The following OR3A2 variants were observed in gnomAD, a reference collection of about 807,000 sequenced individuals.
OR3A2 encodes the protein olfactory receptor family 3 subfamily A member 2.
For synonymous variants in OR3A2, 126 were observed against 159.3 expected, an observed-to-expected ratio of 0.79 and a Z score of 1.57; for missense variants, 318 against 392.8, an observed-to-expected ratio of 0.81 and a Z score of 1.61.
chr17:3,336,263 AT>A (rs910844519), intron 2 of OR3A2, 137 bp from the exon 2 acceptor site: 1 of 152,290 alleles, frequency 6.6e-6, no homozygotes, highest in Non-Finnish European at 1.5e-5. Flanking sequence ...ATGATAATTC[AT>A]TTTTTCCCTA....
intron 3 of OR3A2, among the ~76,000 whole-genome samples, chr17:3,329,111 G>T (rs1031483147): frequency 1.3e-5 from 2 of 151,730 alleles, no homozygotes; most frequent in Non-Finnish European, 2.9e-5. Context: ...GATTCAGTTT[G>T]CCAGTATTTT....
At chr17:3,345,711 A>C (rs762429934) in intron 2 of OR3A2, among the ~76,000 whole-genome samples, 16 of 152,176 alleles carry the variant, frequency 1.1e-4, no homozygotes, top group Non-Finnish European at 8.8e-5. Context: ...ATGAATTTTT[A>C]AAAAGGCCCC....
intron 3 of OR3A2, among the ~76,000 whole-genome samples, chr17:3,324,972 AGTCAAGCATATGCACATTTTACT>A (rs1210501411): frequency 2.0e-5 from 3 of 152,100 alleles, no homozygotes; most frequent in Non-Finnish European, 4.4e-5. Flanking sequence ...ACTTTTACAC[AGTCAAGCATATGCACATTTTACT>A]TTATGACTTC....
chr17:3,344,180 T>C (rs1468257825), intron 2 of OR3A2, among the ~76,000 whole-genome samples: 2 of 152,222 alleles, frequency 1.3e-5, no homozygotes, highest in African/African-American at 2.4e-5. Flanking sequence ...AAAGATGATG[T>C]CTGTGTATTG....
At position 3,312,656 on chromosome 17, in the gene OR3A2, G is replaced by A. The variant is rs138805014; in HGVS notation, c.-85+23377C>T. Among the ~76,000 whole-genome samples the A allele has an allele frequency of 3.8e-3, 581 of 152,214 alleles. 5 individuals are homozygous for A. The highest frequency in any genetic ancestry group is 0.013 in the African/African-American group (549 of 41,518). On this transcript the variant is annotated intron_variant, in intron 3 of 4. Transcript: ENST00000573491. ...TTATTTATTTATGAGATGGAGTTTCGCTCGGTCGCCCAGGCTGGAGTGCAG... is the reference window on the plus strand; with the variant it reads ...TTATTTATTTATGAGATGGAGTTTCACTCGGTCGCCCAGGCTGGAGTGCAG...
chr17:3,292,860 G>A (rs537907899), intron 3 of OR3A2, among the ~76,000 whole-genome samples: 1 of 152,160 alleles, frequency 6.6e-6, no homozygotes, highest in African/African-American at 2.4e-5. Flanking sequence ...GAACCTATTT[G>A]TAAAGATTAT....
At chr17:3,365,731 CACACA>C (rs1215133893) in intron 2 of OR3A2, among the ~76,000 whole-genome samples, 3 of 152,204 alleles carry the variant, frequency 2.0e-5, no homozygotes, top group Non-Finnish European at 4.4e-5. Context: ...CCAAAAGTAA[CACACA>C]ACACTTGTAT....
exon 2 of OR3A2, chr17:3,278,134 A>G (rs756971115): frequency 1.2e-6 from 2 of 1,614,134 alleles, no homozygotes; most frequent in Admixed American, 3.3e-5. Flanking sequence ...AGTCTCATGT[A>G]GTTGAAGATA....
chr17:3,301,465 T>C (rs1217484860), intron 3 of OR3A2, among the ~76,000 whole-genome samples: 30 of 150,312 alleles, frequency 2.0e-4, no homozygotes, highest in South Asian at 8.4e-4. Flanking sequence ...TTTTTTCATG[T>C]GTCTGTTGGC....
At chr17:3,376,676 G>A (rs2128732) in intron 2 of OR3A2, among the ~76,000 whole-genome samples, 23,016 of 152,038 alleles carry the variant, frequency 0.15, 2,316 homozygotes, top group African/African-American at 0.28. Flanking sequence ...AGGCAGCAGG[G>A]CTGAGATCTT....
At chr17:3,288,341 T>A (rs1240624580), upstream of OR3A2, among the ~76,000 whole-genome samples, 1 of 151,420 alleles carries the variant, frequency 6.6e-6, no homozygotes, top group African/African-American at 2.4e-5. Flanking sequence ...TGTATAATGA[T>A]GTTTTGGTCA....
At chr17:3,309,172 CTAGGAT>C (rs1335382315) in intron 3 of OR3A2, among the ~76,000 whole-genome samples, 1 of 152,132 alleles carries the variant, frequency 6.6e-6, no homozygotes, top group Non-Finnish European at 1.5e-5. Flanking sequence ...TCCCAAAGTG[CTAGGAT>C]TACAGGTGTG....
At chr17:3,363,124 T>C (rs2049532847) in intron 2 of OR3A2, among the ~76,000 whole-genome samples, 1 of 151,884 alleles carries the variant, frequency 6.6e-6, no homozygotes, top group South Asian at 2.1e-4. Flanking sequence ...CCCATTGTCT[T>C]GGCTCCCCAT....
Position 3,382,331 on chromosome 17 carries a change from A to C in OR3A2, c.-179+1473T>G, listed in dbSNP as rs1411148647. On this transcript the variant is annotated intron_variant, in intron 2 of 4. Transcript: ENST00000573491. ...GAAAGTAAAGTTGAGTGGGAAAACT[A>C]TGGCTCAGGAATTCCCAGAGCCCTT... is the stretch of plus-strand genomic sequence containing the variant. Among the ~76,000 whole-genome samples the C allele has an allele frequency of 6.6e-5, 10 of 152,168 alleles. No individual in the cohort carries two copies. The East Asian group carries it at 1.9e-3, about 29-fold the overall frequency.
chr17:3,278,766 G>T (rs1250557828), exon 2 of OR3A2: 2 of 1,419,468 alleles, frequency 1.4e-6, no homozygotes, highest in Non-Finnish European at 1.9e-6. Flanking sequence ...CACCAAGACG[G>T]CTGCCAGGAT....
intron 2 of OR3A2, among the ~76,000 whole-genome samples, chr17:3,374,820 T>C (rs1257963426): frequency 2.6e-5 from 4 of 152,170 alleles, no homozygotes; most frequent in South Asian, 2.1e-4. Flanking sequence ...TCAAACACTA[T>C]ACACTATACC....
intron 2 of OR3A2, among the ~76,000 whole-genome samples, chr17:3,361,157 G>A (rs1240953318): frequency 6.6e-6 from 1 of 150,602 alleles, no homozygotes; most frequent in Non-Finnish European, 1.5e-5. Flanking sequence ...TGGATTCCTA[G>A]GTATTTTATT....
chr17:3,367,834 A>G (rs2049577565), intron 2 of OR3A2, among the ~76,000 whole-genome samples: 2 of 151,978 alleles, frequency 1.3e-5, no homozygotes, highest in African/African-American at 4.8e-5. Context: ...ACTGTTTTCC[A>G]TAGTGGTTGT....
rs2049644136 is a variant in OR3A2 at position 3,372,862 on chromosome 17, AGAGGGAGAGGGAGAGGGAGAG to A, written c.-179+10921_-179+10941del. On this transcript the variant is annotated intron_variant, in intron 2 of 4. Coordinates refer to the OR3A2 transcript ENST00000573491. ...GAGAAGGAGAAGGAGAGGGAGAGGG[AGAGGGAGAGGGAGAGGGAGAG>A]GGAGAGGGAGAGGGAGAGGGAGAGG... Among the ~76,000 whole-genome samples, 5 of 17,024 alleles carry A rather than the reference AGAGGGAGAGGGAGAGGGAGAG, an allele frequency of 2.9e-4. 1 individual carries two copies. The East Asian group carries it at 0.03, about 102-fold the overall frequency. 11.2% of individuals were successfully genotyped at this position (17,024 alleles called of 152,430 possible).
Sources: gnomAD v4.1 joint callset for allele counts (sites outside exome capture counted in the v4.1 genomes callset) on GRCh38, gnomAD v4.1.1 for gene constraint, MANE v1.5 for transcripts, NCBI Gene and HGNC (gene_info 2026-07-23, HGNC 2026-07-21) for gene names.